Variants in AIFM1 observed in about 807,000 individuals in gnomAD.
The protein encoded by AIFM1 is apoptosis inducing factor mitochondria associated 1, also known as apoptosis-inducing factor 1, mitochondrial.
A neutral mutation model predicts 51.7 loss-of-function variants in AIFM1; 3 were observed. That is an observed-to-expected ratio of 0.06 (90% CI 0.03 to 0.15). The LOEUF (loss-of-function observed/expected upper bound fraction) is 0.15. Among genes scored for constraint, AIFM1 ranks in the 10% least tolerant of loss-of-function variants. The probability of loss-of-function intolerance (pLI) is 1.00; values close to 1 mark genes in which losing one functional copy is unlikely to be tolerated. For missense variants in AIFM1, 330 were observed against 476.8 expected (o/e 0.69, Z 2.87); for synonymous variants, 178 against 179.4 (o/e 0.99, Z 0.06).
intron 1 of AIFM1, among the ~76,000 whole-genome samples, chrX:130,157,964 A>AAAAAG (rs1412855956): frequency 9.6e-6 from 1 of 103,834 alleles, no homozygotes; most frequent in African/African-American, 3.6e-5. Context: ...AAAAAAAAAA[A>AAAAAG]AAAAGAAAAG....
At chrX:130,144,507 C>T (rs2030684864) in intron 6 of AIFM1, among the ~76,000 whole-genome samples, 1 of 111,396 alleles carries the variant, frequency 9.0e-6, no homozygotes, top group Non-Finnish European at 1.9e-5. Flanking sequence ...CTTTTTTGTG[C>T]CCTTGTGCTT....
In AIFM1 at chrX:130,129,637, G is replaced by A. The variant is rs771572453; in HGVS notation, c.1771-9C>T. 9 of 1,202,236 alleles carry A rather than the reference G, an allele frequency of 7.5e-6. No homozygotes were observed. Among genetic ancestry groups the A allele is most frequent in the Non-Finnish European group, 1.0e-5 (9 of 888,591 alleles). ...TCACCGTCCTTAATGATCTGAGGGAGAGAGAGTAACAATAGGTCCCTAACT... is the reference window on the plus strand; with the variant it reads ...TCACCGTCCTTAATGATCTGAGGGAAAGAGAGTAACAATAGGTCCCTAACT... On this transcript the variant is annotated splice_polypyrimidine_tract_variant and intron_variant, in intron 15 of 15. Coordinates refer to ENST00000287295, the MANE Select transcript of AIFM1 (RefSeq NM_004208.4).
intron 1 of AIFM1, among the ~76,000 whole-genome samples, chrX:130,157,729 G>T (rs2031209784): frequency 9.1e-6 from 1 of 110,493 alleles, no homozygotes; most frequent in African/African-American, 3.3e-5. Flanking sequence ...CACTTTGGGA[G>T]GCCTAGGTGG....
intron 6 of AIFM1, among the ~76,000 whole-genome samples, chrX:130,141,524 G>A (rs2030578970): frequency 8.9e-6 from 1 of 111,781 alleles, no homozygotes; most frequent in Admixed American, 9.5e-5. Context: ...CTCTCTTAAG[G>A]AGAGCTTACA....
At chrX:130,145,239 G>A (rs2030711078) in intron 6 of AIFM1, among the ~76,000 whole-genome samples, 1 of 112,191 alleles carries the variant, frequency 8.9e-6, no homozygotes, top group Non-Finnish European at 1.9e-5. Flanking sequence ...GGGCAGAAGA[G>A]CAAATAGGAG....
chrX:130,136,035 G>A lies in AIFM1; in HGVS notation c.1305+10C>T, dbSNP rs771757846. 13 of 1,211,513 alleles carry A rather than the reference G, an allele frequency of 1.1e-5. No individual in the cohort carries two copies. Among genetic ancestry groups the A allele is most frequent in the Non-Finnish European group, 1.5e-5 (13 of 895,298 alleles). ...ATGAATTATGCCTGGTCATGCTGTAGCACACTTACCACCCAGATGTTAGAG... is the reference window on the plus strand; with the variant it reads ...ATGAATTATGCCTGGTCATGCTGTAACACACTTACCACCCAGATGTTAGAG... On this transcript the variant is annotated intron_variant, in intron 12 of 15. Coordinates refer to ENST00000287295, the MANE Select transcript of AIFM1 (RefSeq NM_004208.4).
intron 1 of AIFM1, among the ~76,000 whole-genome samples, chrX:130,163,999 CAAA>C (rs34391937): frequency 9.4e-5 from 7 of 74,566 alleles, no homozygotes; most frequent in Non-Finnish European, 5.1e-5. Flanking sequence ...ACTAAAAATA[CAAA>C]AAAAAAAAAA....
chrX:130,136,537 A>G (rs2030348045), intron 11 of AIFM1, 106 bp downstream of exon 11: 3 of 726,144 alleles, frequency 4.1e-6, no homozygotes, highest in Non-Finnish European at 6.5e-6. Flanking sequence ...GTTAATGGCA[A>G]CTGCCAGGAA....
In AIFM1 at chrX:130,151,953, C is replaced by T. The variant is rs571730002; in HGVS notation, c.250-2385G>A. Among the ~76,000 whole-genome samples the T allele has an allele frequency of 2.7e-5, 3 of 110,004 alleles. No homozygotes were observed. In the Middle Eastern group the frequency reaches 0.014, roughly 516 times the overall value. ...ACTAGGGAGGCTGAGACACGAGAAC[C>T]ACCTGAACCCCTGAGGTGGCGGCTG... On this transcript the variant is annotated intron_variant, in intron 2 of 15. Coordinates refer to ENST00000287295, the MANE Select transcript of AIFM1 (RefSeq NM_004208.4).
At chrX:130,146,451 A>ATGTGTG (rs60694841) in intron 5 of AIFM1, among the ~76,000 whole-genome samples, 1,449 of 89,413 alleles carry the variant, frequency 0.016, 21 homozygotes, top group African/African-American at 0.047. Flanking sequence ...CTCTCAAAAT[A>ATGTGTG]TGTGTGTGTG....
Position 130,165,604 on chromosome X carries a change from G to C in AIFM1, c.53C>G (p.Pro18Arg). ...AAGALKQKLV[P>R]LVRTVCVRSP... ...TCGGACGCACACGGTCCGCACCAAG[G>C]GCACCAGCTTCTGCTTCAAAGCACC... is the stretch of plus-strand genomic sequence containing the variant. Residue 18 changes from proline to arginine, a missense_variant, in exon 1 of 16, where the codon CCC (proline) becomes CGC (arginine). By Grantham distance (103) the Pro-to-Arg change is moderately radical. Around this residue, in one of 4 missense-constraint regions of AIFM1, gnomAD observed 110 missense variants for 103.1 expected, o/e 1.07. Transcript: ENST00000287295. 8.3e-7 allele frequency: 1 copy of C among 1,203,738 alleles called. No individual in the cohort carries two copies. Among genetic ancestry groups the C allele is most frequent in the Non-Finnish European group, 1.1e-6 (1 of 891,301 alleles).
intron 3 of AIFM1, among the ~76,000 whole-genome samples, chrX:130,149,027 T>C (rs1285808403): frequency 1.9e-5 from 2 of 103,323 alleles, no homozygotes; most frequent in Non-Finnish European, 3.9e-5. Context: ...GTTCAAGAGA[T>C]TCTCATGCCT....
At chrX:130,135,103 T>C (rs1172623862) in intron 12 of AIFM1, among the ~76,000 whole-genome samples, 1 of 106,709 alleles carries the variant, frequency 9.4e-6, no homozygotes, top group African/African-American at 3.4e-5. Flanking sequence ...TTTTTGAGAC[T>C]GAGTCTTGCT....
intron 6 of AIFM1, among the ~76,000 whole-genome samples, chrX:130,141,851 A>C (rs1032065328): frequency 2.7e-5 from 3 of 111,894 alleles, no homozygotes; most frequent in African/African-American, 9.8e-5. Flanking sequence ...GCTTTCGCTC[A>C]GTCTGTCTCC....
At chrX:130,137,677 CA>C in intron 9 of AIFM1, 5 of 1,086,519 alleles carry the variant, frequency 4.6e-6, no homozygotes, top group Non-Finnish European at 6.0e-6. Flanking sequence ...CTGTAGTCTG[CA>C]TTGCCCTTAT....
At chrX:130,135,992 G>C (rs1430252142) in intron 12 of AIFM1, 53 bp downstream of exon 12, 11 of 1,205,291 alleles carry the variant, frequency 9.1e-6, no homozygotes, top group Non-Finnish European at 1.1e-5. Flanking sequence ...GGGCAGACTT[G>C]TTCACAGGCT....
chrX:130,165,724 C>T lies in AIFM1; in HGVS notation c.-68G>A, dbSNP rs1249261976. 5.4e-6 allele frequency: 5 copies of T among 923,541 alleles called. No individual in the cohort carries two copies. The highest frequency in any genetic ancestry group is 7.7e-6 in the Non-Finnish European group (5 of 649,692). The allele number at this position is 923,541 out of a possible 1,213,427, so 76.1% of individuals were successfully genotyped here. ...CACGCACGACCGACGGGTCAAACACCGTGAGCCCCGGCCAGCTCCCCCAGT... is the reference window on the plus strand; with the variant it reads ...CACGCACGACCGACGGGTCAAACACTGTGAGCCCCGGCCAGCTCCCCCAGT... On this transcript the variant is annotated 5_prime_UTR_variant, in exon 1 of 16. Transcript: ENST00000287295.
intron 1 of AIFM1, among the ~76,000 whole-genome samples, chrX:130,161,042 A>T (rs1474390627): frequency 9.0e-6 from 1 of 111,730 alleles, no homozygotes; most frequent in Non-Finnish European, 1.9e-5. Flanking sequence ...ATAGTAGCTA[A>T]ACTAGCAAGT....
At chrX:130,152,851 C>T in intron 2 of AIFM1, among the ~76,000 whole-genome samples, 1 of 111,843 alleles carries the variant, frequency 8.9e-6, no homozygotes, top group East Asian at 2.8e-4. Flanking sequence ...GCTGTGAAGT[C>T]AATTTAGTAG....
Sources: gnomAD v4.1 joint callset for allele counts (sites outside exome capture counted in the v4.1 genomes callset) on GRCh38, gnomAD v4.1.1 for gene constraint, gnomAD v4.1.1 regional missense constraint, MANE v1.5 for transcripts, NCBI Gene and HGNC (gene_info 2026-07-23, HGNC 2026-07-21) for gene names.